The following PPP3CA variants were observed in gnomAD, a reference collection of about 807,000 sequenced individuals.
PPP3CA encodes protein phosphatase 3 catalytic subunit alpha.
In PPP3CA, 14 loss-of-function variants were observed where a neutral mutation model predicts 66.5. The ratio of observed to expected loss-of-function variants is 0.21; its 90% CI spans 0.14 to 0.33. The LOEUF is 0.33. PPP3CA is among the 10% of genes least tolerant of loss of function. The pLI is 1.00. For missense variants in PPP3CA, 317 were observed against 639.5 expected, an observed-to-expected ratio of 0.50 and a Z score of 5.44; for synonymous variants, 232 against 226.2, an observed-to-expected ratio of 1.03 and a Z score of -0.23.
At chr4:101,105,869 T>C (rs899935823) in intron 3 of PPP3CA, among the ~76,000 whole-genome samples, 3 of 152,288 alleles carry the variant, frequency 2.0e-5, no homozygotes, top group South Asian at 2.1e-4. Context: ...TCCAACATGA[T>C]AGTCTTGGGA....
intron 8 of PPP3CA, among the ~76,000 whole-genome samples, chr4:101,067,722 G>C (rs1481663343): frequency 1.3e-5 from 2 of 150,492 alleles, no homozygotes; most frequent in African/African-American, 4.9e-5. Flanking sequence ...GCTAAATGAC[G>C]AGTTAATGGG....
chr4:101,247,672 A>T (rs1400476910), intron 1 of PPP3CA, among the ~76,000 whole-genome samples: 1 of 152,156 alleles, frequency 6.6e-6, no homozygotes, highest in African/African-American at 2.4e-5. Flanking sequence ...TGTATGTATT[A>T]AGGTATAATC....
intron 1 of PPP3CA, among the ~76,000 whole-genome samples, chr4:101,228,358 T>G (rs1157150434): frequency 6.6e-6 from 1 of 151,590 alleles, no homozygotes; most frequent in African/African-American, 2.4e-5. Context: ...AAATCACAAT[T>G]CAAAATTATG....
intron 2 of PPP3CA, among the ~76,000 whole-genome samples, chr4:101,130,316 G>A (rs1474154382): frequency 1.3e-5 from 2 of 152,064 alleles, no homozygotes; most frequent in East Asian, 3.9e-4. Flanking sequence ...AACCAAGTTG[G>A]AAAAAACAGT....
intron 2 of PPP3CA, among the ~76,000 whole-genome samples, chr4:101,128,566 T>G (rs1722321081): frequency 6.6e-6 from 1 of 151,780 alleles, no homozygotes. Flanking sequence ...TCACTGGGAC[T>G]GGTTACACAG....
intron 1 of PPP3CA, among the ~76,000 whole-genome samples, chr4:101,227,135 TAC>T (rs1725809817): frequency 2.0e-5 from 3 of 151,604 alleles, no homozygotes; most frequent in Admixed American, 2.0e-4. Context: ...CATACATACA[TAC>T]ATACATACAC....
intron 8 of PPP3CA, among the ~76,000 whole-genome samples, chr4:101,068,582 C>G (rs9684543): frequency 2.0e-5 from 3 of 151,714 alleles, no homozygotes; most frequent in Admixed American, 2.0e-4. Context: ...TGTGAATATG[C>G]ATATATGCAT....
chr4:101,309,271 A>T (rs1728643788), intron 1 of PPP3CA, among the ~76,000 whole-genome samples: 1 of 152,184 alleles, frequency 6.6e-6, no homozygotes, highest in African/African-American at 2.4e-5. Flanking sequence ...CACATCAGGT[A>T]TTATCTTGGT....
intron 2 of PPP3CA, among the ~76,000 whole-genome samples, chr4:101,138,688 T>C (rs889691661): frequency 6.6e-6 from 1 of 152,212 alleles, no homozygotes; most frequent in African/African-American, 2.4e-5. Flanking sequence ...GATGCTCCCC[T>C]GTATAACAAA....
chr4:101,172,123 C>T (rs1055087568), intron 2 of PPP3CA, among the ~76,000 whole-genome samples: 14 of 152,052 alleles, frequency 9.2e-5, no homozygotes, highest in Non-Finnish European at 1.8e-4. Context: ...TCCAGAGTAC[C>T]GCTTGACTCT....
At chr4:101,172,104 G>A (rs1239015416) in intron 2 of PPP3CA, among the ~76,000 whole-genome samples, 4 of 152,078 alleles carry the variant, frequency 2.6e-5, no homozygotes, top group Non-Finnish European at 5.9e-5. Context: ...GAAACAAAAT[G>A]CCATCATATC....
intron 1 of PPP3CA, among the ~76,000 whole-genome samples, chr4:101,332,472 G>T (rs998408404): frequency 2.6e-4 from 40 of 152,178 alleles, no homozygotes; most frequent in Non-Finnish European, 4.1e-4. Flanking sequence ...CCAGCCATTG[G>T]ACAGCCACTG....
intron 1 of PPP3CA, among the ~76,000 whole-genome samples, chr4:101,336,223 C>CA (rs34676354): frequency 1.8e-4 from 27 of 146,210 alleles, no homozygotes; most frequent in African/African-American, 4.8e-4. Context: ...CCCCCACCTC[C>CA]AAAAAAAAAG....
chr4:101,192,975 A>G (rs1724657203), intron 2 of PPP3CA, among the ~76,000 whole-genome samples: 1 of 152,236 alleles, frequency 6.6e-6, no homozygotes, highest in South Asian at 2.1e-4. Context: ...GTAATAATCA[A>G]GGAGCACTGT....
chr4:101,232,624 T>C (rs1725998873), intron 1 of PPP3CA, among the ~76,000 whole-genome samples: 1 of 151,726 alleles, frequency 6.6e-6, no homozygotes, highest in Admixed American at 6.6e-5. Flanking sequence ...CAAACACTTA[T>C]GAGTTTAATT....
chr4:101,064,248 T>C (rs1728592167), intron 8 of PPP3CA, among the ~76,000 whole-genome samples: 1 of 151,976 alleles, frequency 6.6e-6, no homozygotes, highest in African/African-American at 2.4e-5. Context: ...ACCTATTCTA[T>C]GGATAGACAA....
intron 10 of PPP3CA, among the ~76,000 whole-genome samples, chr4:101,045,071 T>C (rs1209199707): frequency 6.6e-6 from 1 of 152,252 alleles, no homozygotes; most frequent in East Asian, 1.9e-4. Flanking sequence ...CTGTGAATTC[T>C]TCAGTTACAC....
Position 101,032,495 on chromosome 4 carries a change from T to A in PPP3CA, c.1242-131A>T, listed in dbSNP as rs545883073. The A allele has an allele frequency of 9.8e-4, 684 of 701,006 alleles. 4 individuals carry two copies. The highest frequency in any genetic ancestry group is 1.3e-3 in the Admixed American group (47 of 35,528). 43.4% of individuals were successfully genotyped at this position (701,006 alleles called of 1,614,324 possible). A position where few individuals can be genotyped will look rare whatever the true frequency, so the allele number is the denominator to read the frequency against. On this transcript the variant is annotated intron_variant, in intron 11 of 13. Transcript: ENST00000394854. ...TATCTTGGCTCTCCGGATCTTTTTT[T>A]AAAATTTTTTTTAACATACTTTATT...
At chr4:101,090,738 C>T (rs1306595067) in intron 6 of PPP3CA, among the ~76,000 whole-genome samples, 1 of 150,312 alleles carries the variant, frequency 6.7e-6, no homozygotes. Context: ...TGATTATCCT[C>T]TATTATTAAA....
Sources: allele counts gnomAD v4.1 joint callset (sites outside exome capture counted in the v4.1 genomes callset), GRCh38; gene constraint gnomAD v4.1.1; transcripts MANE v1.5; gene names NCBI Gene and HGNC (gene_info 2026-07-23, HGNC 2026-07-21).